The following NTRK2 variants were observed in gnomAD, a reference collection of about 807,000 sequenced individuals.
The protein encoded by NTRK2 is BDNF/NT-3 growth factors receptor.
NTRK2 carries 13 observed loss-of-function variants against 94.5 expected under a neutral mutation model. The ratio of observed to expected loss-of-function variants is 0.14; its 90% confidence interval spans 0.09 to 0.22. NTRK2 has a LOEUF of 0.22. Among genes scored for constraint, NTRK2 ranks in the 10% least tolerant of loss-of-function variants. The pLI, the probability that NTRK2 is intolerant of heterozygous loss-of-function variation, is 1.00. For synonymous variants in NTRK2, 372 were observed against 407.4 expected, an observed-to-expected ratio of 0.91 and a Z score of 1.05; for missense variants, 639 against 1,071.2, an observed-to-expected ratio of 0.60 and a Z score of 5.63.
intron 2 of NTRK2, among the ~76,000 whole-genome samples, chr9:84,681,153 A>T (rs1352118848): frequency 6.6e-6 from 1 of 152,116 alleles, no homozygotes; most frequent in African/African-American, 2.4e-5. Flanking sequence ...CTGTTTCCCC[A>T]TCAATTATCA....
chr9:84,737,677 T>C (rs1487987158), intron 9 of NTRK2, among the ~76,000 whole-genome samples: 1 of 152,092 alleles, frequency 6.6e-6, no homozygotes, highest in African/African-American at 2.4e-5. Flanking sequence ...TCGGGGTGCA[T>C]GTACAGGTTT....
rs1220802955 is a variant in NTRK2 at position 84,721,433 on chromosome 9, C to T, written c.584-2140C>T. Among the ~76,000 whole-genome samples, 3 of 152,198 alleles carry T rather than the reference C, an allele frequency of 2.0e-5. No individual in the cohort carries two copies. The East Asian group carries it at 5.8e-4, about 29-fold the overall frequency. On this transcript the variant is annotated intron_variant, in intron 6 of 18. Coordinates refer to ENST00000277120, the MANE Select transcript of NTRK2 (RefSeq NM_006180.6). Reference sequence around the variant, plus strand: ...CCTCGTGATCCACCCACCTCGGCCTCCCAAAGTGCTGGGATTACAGGCGTG... The same window carrying T: ...CCTCGTGATCCACCCACCTCGGCCTTCCAAAGTGCTGGGATTACAGGCGTG...
chr9:84,741,394 G>A (rs2063638440), intron 9 of NTRK2, among the ~76,000 whole-genome samples: 1 of 152,158 alleles, frequency 6.6e-6, no homozygotes, highest in South Asian at 2.1e-4. Flanking sequence ...AGATAAGGTG[G>A]AGAATAAAAT....
At chr9:84,772,260 T>G (rs1361031302) in intron 12 of NTRK2, among the ~76,000 whole-genome samples, 1 of 151,216 alleles carries the variant, frequency 6.6e-6, no homozygotes, top group Non-Finnish European at 1.5e-5. Context: ...TATAAACAAT[T>G]TTTTTTTTTG....
At chr9:84,743,384 G>C (rs530532516) in intron 10 of NTRK2, among the ~76,000 whole-genome samples, 3 of 152,208 alleles carry the variant, frequency 2.0e-5, no homozygotes, top group Non-Finnish European at 4.4e-5. Flanking sequence ...AAATGAGCCT[G>C]TCTGTATGTT....
chr9:84,726,525 A>C (rs965115456), intron 8 of NTRK2, among the ~76,000 whole-genome samples: 2 of 152,124 alleles, frequency 1.3e-5, no homozygotes, highest in African/African-American at 4.8e-5. Flanking sequence ...AACAACCAAG[A>C]TAACCAGTGC....
chr9:84,709,761 A>G (rs2061317488), intron 5 of NTRK2, among the ~76,000 whole-genome samples: 1 of 152,212 alleles, frequency 6.6e-6, no homozygotes, highest in African/African-American at 2.4e-5. Flanking sequence ...TAGGCCACTG[A>G]GTATTACAAA....
At chr9:84,785,833 A>T (rs1427571655) in intron 12 of NTRK2, among the ~76,000 whole-genome samples, 1 of 152,198 alleles carries the variant, frequency 6.6e-6, no homozygotes, top group African/African-American at 2.4e-5. Context: ...AACTCTTCTT[A>T]AAACATAAAT....
chr9:84,844,667 ACAC>A (rs2074373761), intron 12 of NTRK2, among the ~76,000 whole-genome samples: 3 of 151,270 alleles, frequency 2.0e-5, no homozygotes, highest in African/African-American at 4.9e-5. Flanking sequence ...ACACACACAC[ACAC>A]ACACACACAC....
At chr9:84,857,769 T>A (rs759687632) in intron 12 of NTRK2, among the ~76,000 whole-genome samples, 41 of 152,158 alleles carry the variant, frequency 2.7e-4, no homozygotes, top group Non-Finnish European at 4.3e-4. Context: ...GACAGGGCAT[T>A]GTACAGGCCC....
At chr9:84,818,514 G>T (rs1564347405) in intron 12 of NTRK2, among the ~76,000 whole-genome samples, 1 of 152,220 alleles carries the variant, frequency 6.6e-6, no homozygotes, top group African/African-American at 2.4e-5. Context: ...ATCTTGACTT[G>T]CAAGTATGTG....
chr9:84,854,802 C>G (rs894728710), intron 12 of NTRK2, among the ~76,000 whole-genome samples: 9 of 151,898 alleles, frequency 5.9e-5, no homozygotes, highest in African/African-American at 2.2e-4. Flanking sequence ...CAAAAATTAG[C>G]CGGGCATGAT....
At chr9:84,861,338 C>T (rs901407160) in intron 13 of NTRK2, among the ~76,000 whole-genome samples, 27 of 152,054 alleles carry the variant, frequency 1.8e-4, no homozygotes, top group African/African-American at 4.8e-5. Flanking sequence ...TGTTAACTGT[C>T]GTTCCAGTTC....
intron 2 of NTRK2, among the ~76,000 whole-genome samples, chr9:84,673,576 A>G (rs2058837031): frequency 6.6e-6 from 1 of 152,210 alleles, no homozygotes; most frequent in Non-Finnish European, 1.5e-5. Context: ...TCATTCAAAA[A>G]TGGTGTATCT....
At chr9:84,811,145 T>C in intron 12 of NTRK2, 3 of 1,063,694 alleles carry the variant, frequency 2.8e-6, no homozygotes, top group Non-Finnish European at 2.3e-6. Flanking sequence ...TAAGGGTATA[T>C]ATACCATCAC....
intron 17 of NTRK2, among the ~76,000 whole-genome samples, chr9:84,960,861 A>G (rs572719394): frequency 1.3e-5 from 2 of 152,328 alleles, no homozygotes; most frequent in Non-Finnish European, 2.9e-5. Flanking sequence ...AGAAACTGGC[A>G]CAGGGCATGG....
At chr9:84,856,787 A>G (rs940739680) in intron 12 of NTRK2, among the ~76,000 whole-genome samples, 1 of 152,238 alleles carries the variant, frequency 6.6e-6, no homozygotes, top group African/African-American at 2.4e-5. Context: ...ACCTTAAAAC[A>G]TAAAGAAATT....
chr9:84,916,570 A>T (rs1403939513), intron 14 of NTRK2, among the ~76,000 whole-genome samples: 1 of 152,166 alleles, frequency 6.6e-6, no homozygotes, highest in East Asian at 1.9e-4. Flanking sequence ...CATTCCAGGC[A>T]CACAGGACAT....
chr9:84,893,116 C>T (rs1307000978), intron 14 of NTRK2, among the ~76,000 whole-genome samples: 1 of 152,030 alleles, frequency 6.6e-6, no homozygotes, highest in African/African-American at 2.4e-5. Context: ...TAACCATAAC[C>T]CCTGTCAAGA....
Sources: gnomAD v4.1 joint callset for allele counts (sites outside exome capture counted in the v4.1 genomes callset) on GRCh38, gnomAD v4.1.1 for gene constraint, MANE v1.5 for transcripts, NCBI Gene and HGNC (gene_info 2026-07-23, HGNC 2026-07-21) for gene names.